The following PINX1 variants were observed in gnomAD, a reference collection of about 807,000 sequenced individuals.
The protein encoded by PINX1 is PIN2 (TERF1) interacting telomerase inhibitor 1.
Under a neutral mutation model 25.4 loss-of-function variants are expected in PINX1, and 34 were observed. The observed-to-expected ratio is 1.34, with a 90% CI of 1.02 to 1.78. The LOEUF (loss-of-function observed/expected upper bound fraction) is 1.78. Among genes scored for constraint, PINX1 ranks in the 40% most tolerant of loss-of-function variants. The pLI is 0.00. For synonymous variants in PINX1, 197 were observed against 147.7 expected, an observed-to-expected ratio of 1.33 and a Z score of -2.42; for missense variants, 592 against 404.9, an observed-to-expected ratio of 1.46 and a Z score of -3.97.
chr8:10,769,407 G>C (rs141124274), intron 6 of PINX1, among the ~76,000 whole-genome samples: 29 of 152,288 alleles, frequency 1.9e-4, no homozygotes, highest in African/African-American at 7.0e-4. Flanking sequence ...TTCCCAAATG[G>C]TAAGTGGGCC....
chr8:10,825,262 G>C (rs1797999993), intron 5 of PINX1: 1 of 509,708 alleles, frequency 2.0e-6, no homozygotes. Context: ...GCAATGCCCT[G>C]ATACGCATGA....
chr8:10,802,883 G>C (rs969090081), intron 6 of PINX1, among the ~76,000 whole-genome samples: 5 of 152,054 alleles, frequency 3.3e-5, no homozygotes, highest in Non-Finnish European at 5.9e-5. Flanking sequence ...ACTAATATTA[G>C]TATACACAGC....
chr8:10,779,802 T>A (rs1801525074), intron 6 of PINX1, among the ~76,000 whole-genome samples: 1 of 152,212 alleles, frequency 6.6e-6, no homozygotes, highest in South Asian at 2.1e-4. Flanking sequence ...GTTTTATACA[T>A]GTAACAAGGC....
At chr8:10,804,750 AG>A (rs370851058) in intron 6 of PINX1, among the ~76,000 whole-genome samples, 52 of 151,596 alleles carry the variant, frequency 3.4e-4, no homozygotes, top group South Asian at 1.9e-3. Context: ...TAATGTCAAA[AG>A]AAAAAAAAAG....
chr8:10,810,378 G>T (rs1797457998), intron 6 of PINX1, among the ~76,000 whole-genome samples: 1 of 152,162 alleles, frequency 6.6e-6, no homozygotes, highest in African/African-American at 2.4e-5. Flanking sequence ...TTTGCCTTTT[G>T]ATGCCTTGTC....
chr8:10,765,053 GAC>G lies in PINX1; in HGVS notation c.*346_*347del, dbSNP rs34143365. 0.018 allele frequency: 3,531 copies of G among 197,710 alleles called. 2 individuals carry two copies. The highest frequency in any genetic ancestry group is 0.029 in the East Asian group (244 of 8,534). 12.2% of individuals were successfully genotyped at this position (197,710 alleles called of 1,614,324 possible). On this transcript the variant is annotated 3_prime_UTR_variant, in exon 7 of 7. Transcript: ENST00000314787. ...GGAACCGAGAGCAAACGGAGATAGT[GAC>G]ACACACACACACACACAGATGCGCA...
At chr8:10,827,626 G>A (rs948809962) in intron 4 of PINX1, among the ~76,000 whole-genome samples, 2 of 152,008 alleles carry the variant, frequency 1.3e-5, no homozygotes, top group African/African-American at 4.8e-5. Flanking sequence ...AAAAAAAGCA[G>A]CCGGGCGCGG....
At chr8:10,792,993 C>T (rs544126235) in intron 6 of PINX1, among the ~76,000 whole-genome samples, 17 of 152,284 alleles carry the variant, frequency 1.1e-4, no homozygotes, top group African/African-American at 4.1e-4. Flanking sequence ...CTTGTTGCCA[C>T]TTCCATGGAT....
At position 10,839,845 on chromosome 8, in the gene PINX1, G is replaced by A; in HGVS notation, c.-89C>T. 6.2e-6 allele frequency: 8 copies of A among 1,300,360 alleles called. No individual in the cohort carries two copies. Among genetic ancestry groups the A allele is most frequent in the Admixed American group, 2.2e-5 (1 of 44,756 alleles). 80.6% of individuals were successfully genotyped at this position (1,300,360 alleles called of 1,614,324 possible). On this transcript the variant is annotated 5_prime_UTR_variant, in exon 1 of 7. The change creates a new upstream start codon in the 5' untranslated region. Coordinates refer to ENST00000314787, the MANE Select transcript of PINX1 (RefSeq NM_017884.6). ...AGACTCCAGGAGAATCAGGACGTGCGTAACTCCCTCGCCGGCGGACTGCAG... is the reference window on the plus strand; with the variant it reads ...AGACTCCAGGAGAATCAGGACGTGCATAACTCCCTCGCCGGCGGACTGCAG...
At chr8:10,790,886 GC>G (rs1801901476) in intron 6 of PINX1, among the ~76,000 whole-genome samples, 1 of 151,994 alleles carries the variant, frequency 6.6e-6, no homozygotes, top group African/African-American at 2.4e-5. Context: ...TCTAATGGGG[GC>G]TCTCAGGGAA....
chr8:10,776,947 GAGA>G (rs1260325775), intron 6 of PINX1, among the ~76,000 whole-genome samples: 4 of 152,210 alleles, frequency 2.6e-5, no homozygotes, highest in Non-Finnish European at 5.9e-5. Context: ...CCTGGCAAGA[GAGA>G]AGGACAGAAG....
intron 6 of PINX1, among the ~76,000 whole-genome samples, chr8:10,807,823 A>G (rs1043388008): frequency 2.6e-5 from 4 of 152,180 alleles, no homozygotes; most frequent in Non-Finnish European, 5.9e-5. Flanking sequence ...AGCTAAAAGG[A>G]GCAAGGCTGG....
chr8:10,777,416 C>G (rs1475551760), intron 6 of PINX1, among the ~76,000 whole-genome samples: 1 of 152,224 alleles, frequency 6.6e-6, no homozygotes, highest in Non-Finnish European at 1.5e-5. Flanking sequence ...GAAAAGGATG[C>G]ACTCTCGGCA....
chr8:10,788,504 G>T (rs1358259686), intron 6 of PINX1, among the ~76,000 whole-genome samples: 1 of 152,070 alleles, frequency 6.6e-6, no homozygotes, highest in Non-Finnish European at 1.5e-5. Flanking sequence ...GGTGGAGGGT[G>T]CAGTGAGCCA....
intron 1 of PINX1, among the ~76,000 whole-genome samples, chr8:10,838,242 A>C (rs187086956): frequency 1.3e-5 from 2 of 152,348 alleles, no homozygotes; most frequent in East Asian, 3.9e-4. Context: ...CACCAATCCT[A>C]AGTATCTAAT....
intron 6 of PINX1, among the ~76,000 whole-genome samples, chr8:10,786,563 G>A (rs749823010): frequency 6.6e-6 from 1 of 152,202 alleles, no homozygotes; most frequent in Non-Finnish European, 1.5e-5. Context: ...TTAAGCGTGA[G>A]CTACGCCCCA....
chr8:10,816,067 T>G (rs925541925), intron 6 of PINX1, among the ~76,000 whole-genome samples: 1 of 152,052 alleles, frequency 6.6e-6, no homozygotes, highest in Non-Finnish European at 1.5e-5. Context: ...ACGGGCGGTG[T>G]TGGAGGGGTA....
At chr8:10,819,119 C>T (rs1397595641) in intron 6 of PINX1, among the ~76,000 whole-genome samples, 1 of 152,232 alleles carries the variant, frequency 6.6e-6, no homozygotes, top group East Asian at 1.9e-4. Context: ...GGTATCCTTT[C>T]CCAGCCTGCT....
chr8:10,775,950 C>T (rs1407462202), intron 6 of PINX1, among the ~76,000 whole-genome samples: 2 of 152,136 alleles, frequency 1.3e-5, no homozygotes, highest in Non-Finnish European at 2.9e-5. Context: ...ACCCAAAGCT[C>T]ATGTCCCAAC....
Sources: gnomAD v4.1 joint callset for allele counts (sites outside exome capture counted in the v4.1 genomes callset) on GRCh38, gnomAD v4.1.1 for gene constraint, MANE v1.5 for transcripts, NCBI Gene and HGNC (gene_info 2026-07-23, HGNC 2026-07-21) for gene names.